Variants in FAAH2 observed in about 807,000 individuals in gnomAD.
FAAH2 encodes the protein fatty acid amide hydrolase 2, also known as fatty-acid amide hydrolase 2.
A neutral mutation model predicts 36.9 loss-of-function variants in FAAH2; 60 were observed. The observed-to-expected ratio is 1.63, with a 90% confidence interval of 1.32 to 2.02. FAAH2 has a LOEUF of 2.02. Ranked by LOEUF, FAAH2 falls within the 30% of genes most tolerant of loss-of-function variation. The pLI is 0.00. For synonymous variants in FAAH2, 214 were observed against 143.8 expected (o/e 1.49, Z -3.49); for missense variants, 689 against 397.5 (o/e 1.73, Z -6.23).
At chrX:57,338,562 A>G (rs1257703025) in intron 4 of FAAH2, among the ~76,000 whole-genome samples, 1 of 111,653 alleles carries the variant, frequency 9.0e-6, no homozygotes, top group East Asian at 2.8e-4. Context: ...CAGAGGCCTG[A>G]CACTCAGGAT....
intron 6 of FAAH2, among the ~76,000 whole-genome samples, chrX:57,380,286 T>C (rs748279272): frequency 3.0e-4 from 34 of 111,557 alleles, no homozygotes; most frequent in Non-Finnish European, 6.2e-4. Context: ...ACTTCAACCA[T>C]TTTCCATACA....
intron 10 of FAAH2, among the ~76,000 whole-genome samples, chrX:57,463,058 T>A (rs878930318): frequency 9.0e-6 from 1 of 111,580 alleles, no homozygotes; most frequent in Non-Finnish European, 1.9e-5. Flanking sequence ...CTATTCACAA[T>A]TGCTACAAAG....
chrX:57,431,417 A>G (rs1347692384), intron 7 of FAAH2, among the ~76,000 whole-genome samples: 1 of 111,741 alleles, frequency 8.9e-6, no homozygotes, highest in Non-Finnish European at 1.9e-5. Context: ...AATAGCTTCC[A>G]CCACTGCTCT....
chrX:57,370,956 T>G (rs1197520276), intron 5 of FAAH2, among the ~76,000 whole-genome samples: 1 of 111,608 alleles, frequency 9.0e-6, no homozygotes, highest in Non-Finnish European at 1.9e-5. Flanking sequence ...CTAGACCAAA[T>G]GGTACTAATA....
intron 7 of FAAH2, among the ~76,000 whole-genome samples, chrX:57,426,491 T>C (rs1442323559): frequency 1.8e-5 from 2 of 111,764 alleles, no homozygotes; most frequent in Non-Finnish European, 3.8e-5. Flanking sequence ...GGATAGACCA[T>C]ATTTTAGGCC....
chrX:57,394,901 C>A, intron 7 of FAAH2: 1 of 754,708 alleles, frequency 1.3e-6, no homozygotes, highest in Non-Finnish European at 2.1e-6. Context: ...TATTTTACTG[C>A]ACCCAACCAC....
intron 5 of FAAH2, among the ~76,000 whole-genome samples, chrX:57,344,966 T>C (rs1333198868): frequency 9.0e-6 from 1 of 111,139 alleles, no homozygotes; most frequent in Non-Finnish European, 1.9e-5. Context: ...AACATTTTGA[T>C]GTGCTGCTGA....
intron 10 of FAAH2, among the ~76,000 whole-genome samples, chrX:57,458,731 G>C (rs1211952895): frequency 8.9e-6 from 1 of 111,749 alleles, no homozygotes; most frequent in East Asian, 2.8e-4. Flanking sequence ...AGTGCAAGGA[G>C]TGGGGGCCTC....
chrX:57,474,243 C>G (rs2057222670), intron 10 of FAAH2, among the ~76,000 whole-genome samples: 1 of 111,191 alleles, frequency 9.0e-6, no homozygotes. Flanking sequence ...GTAGAATATG[C>G]ATCTTTGTTA....
chrX:57,412,945 G>A (rs2055740669), intron 7 of FAAH2, among the ~76,000 whole-genome samples: 1 of 112,106 alleles, frequency 8.9e-6, no homozygotes, highest in Non-Finnish European at 1.9e-5. Context: ...ATCTCATTGT[G>A]GTTTTGATTT....
At chrX:57,296,233 C>T (rs955371293) in intron 2 of FAAH2, among the ~76,000 whole-genome samples, 2 of 111,351 alleles carry the variant, frequency 1.8e-5, no homozygotes, top group African/African-American at 6.5e-5. Flanking sequence ...TCACATTGCC[C>T]AGTACTCCTC....
At chrX:57,449,980 C>A (rs1463052207) in intron 10 of FAAH2, among the ~76,000 whole-genome samples, 2 of 111,513 alleles carry the variant, frequency 1.8e-5, no homozygotes, top group African/African-American at 3.3e-5. Context: ...TTTCTTAAGT[C>A]TTTGAAAAAA....
chrX:57,225,589 A>G, the FAAH2 span, among the ~76,000 whole-genome samples: 7 of 111,591 alleles, frequency 6.3e-5, no homozygotes, highest in Admixed American at 4.7e-4. Flanking sequence ...AGTTCCATGC[A>G]CTGTTGAATA....
Position 57,331,746 on chromosome X carries a change from C to T in FAAH2, c.561C>T (p.Asn187=). 1 of 1,211,367 alleles carries T rather than the reference C, an allele frequency of 8.3e-7. No individual in the cohort carries two copies. The highest frequency in any genetic ancestry group is 1.1e-6 in the Non-Finnish European group (1 of 895,453). ...TGTGTATGTGGTATGAATCCAGTAA[C>T]AAGATCTATGGCCGATCAAACAACC... ...SELCMWYESS[N]KIYGRSNNPY... is the part of the protein sequence containing the mutation. Residue 187 remains asparagine, a synonymous_variant, in exon 4 of 11, where the codon AAC becomes AAT. Coordinates refer to ENST00000374900, the MANE Select transcript of FAAH2 (RefSeq NM_174912.4).
intron 4 of FAAH2, among the ~76,000 whole-genome samples, chrX:57,338,879 G>A (rs1385905864): frequency 9.0e-6 from 1 of 110,788 alleles, no homozygotes; most frequent in Non-Finnish European, 1.9e-5. Flanking sequence ...AACTACCATT[G>A]ACATTTTTCA....
intron 7 of FAAH2, among the ~76,000 whole-genome samples, chrX:57,418,134 T>G (rs953447954): frequency 7.2e-5 from 8 of 111,888 alleles, no homozygotes; most frequent in Non-Finnish European, 1.3e-4. Context: ...ACAGTGAGAA[T>G]TTCAAGCCAG....
intron 10 of FAAH2, chrX:57,452,076 G>A (rs2056793712): frequency 3.6e-6 from 2 of 554,448 alleles, no homozygotes; most frequent in Non-Finnish European, 4.4e-6. Flanking sequence ...CAGATGGAAG[G>A]AAACAGCTTA....
At chrX:57,466,349 T>C (rs901722988) in intron 10 of FAAH2, among the ~76,000 whole-genome samples, 1 of 106,354 alleles carries the variant, frequency 9.4e-6, no homozygotes, top group Admixed American at 1.0e-4. Flanking sequence ...CCTCAAAATA[T>C]AGCCTAACAA....
chrX:57,174,654 TTGA>T, the FAAH2 span, among the ~76,000 whole-genome samples: 1 of 111,511 alleles, frequency 9.0e-6, no homozygotes, highest in African/African-American at 3.3e-5. Flanking sequence ...CTCTAGTTCC[TTGA>T]TGTGTTTTGT....
Sources: allele counts gnomAD v4.1 joint callset (sites outside exome capture counted in the v4.1 genomes callset), GRCh38; gene constraint gnomAD v4.1.1; transcripts MANE v1.5; gene names NCBI Gene and HGNC (gene_info 2026-07-23, HGNC 2026-07-21).